Variants in ADAMTS7 observed in about 807,000 individuals in gnomAD.
The protein encoded by ADAMTS7 is A disintegrin and metalloproteinase with thrombospondin motifs 7.
In ADAMTS7, 89 loss-of-function variants were observed where a neutral mutation model predicts 172.6. The ratio of observed to expected loss-of-function variants is 0.52; its 90% confidence interval spans 0.43 to 0.61. The LOEUF is 0.61. Ranked by LOEUF, ADAMTS7 falls within the 20% of genes least tolerant of loss-of-function variation. The probability of loss-of-function intolerance (pLI) is 0.00; values close to 1 mark genes in which losing one functional copy is unlikely to be tolerated. For missense variants in ADAMTS7, 1,973 were observed against 2,355.6 expected, an observed-to-expected ratio of 0.84 and a Z score of 3.36; for synonymous variants, 885 against 978.4, an observed-to-expected ratio of 0.90 and a Z score of 1.78.
intron 7 of ADAMTS7, 128 bp downstream of exon 7, chr15:78,789,561 T>C: frequency 7.5e-7 from 1 of 1,325,288 alleles, no homozygotes; most frequent in South Asian, 1.4e-5. Context: ...ACATGGCCAG[T>C]CAGGGCTCCT....
In ADAMTS7 at chr15:78,787,363, A is replaced by C. The variant is rs1461601689; in HGVS notation, c.1322+868T>G. 7.3e-5 allele frequency among the ~76,000 whole-genome samples: 11 copies of C among 151,620 alleles called. No individual in the cohort carries two copies. The South Asian group carries it at 1.7e-3, about 23-fold the overall frequency. On this transcript the variant is annotated intron_variant, in intron 8 of 23. Transcript: ENST00000388820. ...AGCAAATTTGAAAAAAAAAAAACAA[A>C]AAAACACCAGAACAGGCCGGGCATG...
chr15:78,762,793 G>GT (rs1567200211), intron 22 of ADAMTS7, among the ~76,000 whole-genome samples: 1 of 152,048 alleles, frequency 6.6e-6, no homozygotes, highest in Admixed American at 6.5e-5. Flanking sequence ...GGGAAGGGGC[G>GT]TGAGAACCGT....
intron 11 of ADAMTS7, among the ~76,000 whole-genome samples, chr15:78,775,830 A>C (rs570969917): frequency 6.6e-6 from 1 of 152,298 alleles, no homozygotes; most frequent in East Asian, 1.9e-4. Context: ...GGCCCAGAGA[A>C]GGGGTGAAGA....
chr15:78,766,138 G>A lies in ADAMTS7; in HGVS notation c.3773C>T (p.Ala1258Val), dbSNP rs374769458. The change falls in exon 19 of 24, where the codon GCG (alanine) becomes GTG (valine). Residue 1258 changes from alanine to valine, a missense_variant. By Grantham distance (64) the Ala-to-Val change is moderately conservative (BLOSUM62 0). Around this residue, in one of 8 missense-constraint regions of ADAMTS7, gnomAD observed 771 missense variants for 952.6 expected, o/e 0.81. Coordinates refer to ENST00000388820, the MANE Select transcript of ADAMTS7 (RefSeq NM_014272.5). Reference sequence around the variant, plus strand: ...CACTGTGCCTCCTGTCCACAGCTCCGCCACGTCAGGACTAGGAGAGGAGTG... The same window carrying A: ...CACTGTGCCTCCTGTCCACAGCTCCACCACGTCAGGACTAGGAGAGGAGTG... Reference protein sequence around the residue: ...STHSSPSPDVAELWTGGTVAW... With the variant: ...STHSSPSPDVVELWTGGTVAW... 41 of 1,611,224 alleles carry A rather than the reference G, an allele frequency of 2.5e-5. No individual in the cohort carries two copies. Among genetic ancestry groups the A allele is most frequent in the South Asian group, 3.3e-5 (3 of 90,958 alleles).
Position 78,764,917 on chromosome 15 carries a change from T to C in ADAMTS7, c.4267-210A>G, listed in dbSNP as rs964000312. The stretch of plus-strand genomic sequence containing the variant: ...GTCAAATCCCCTCAGCAACCAGCCG[T>C]CCCTGCTCACATGGGACAAAGGGCC... On this transcript the variant is annotated intron_variant, in intron 19 of 23. Transcript: ENST00000388820. 2.9e-5 allele frequency: 15 copies of C among 523,670 alleles called. 2 individuals carry two copies. Among genetic ancestry groups the C allele is most frequent in the African/African-American group, 6.0e-5 (3 of 50,200 alleles). The allele number at this position is 523,670 out of a possible 1,614,324, so 32.4% of individuals were successfully genotyped here.
chr15:78,759,215 G>A lies in ADAMTS7; in HGVS notation c.*206C>T. ...CGAAGTCACGCTGTGCTTTGGAATGGTAGATGCTCATTTATGTAAAATCAT... is the reference window on the plus strand; with the variant it reads ...CGAAGTCACGCTGTGCTTTGGAATGATAGATGCTCATTTATGTAAAATCAT... On this transcript the variant is annotated 3_prime_UTR_variant, in exon 24 of 24. Coordinates refer to ENST00000388820, the MANE Select transcript of ADAMTS7 (RefSeq NM_014272.5). 1 of 481,244 alleles carries A rather than the reference G, an allele frequency of 2.1e-6. No homozygotes were observed. 29.8% of individuals were successfully genotyped at this position (481,244 alleles called of 1,614,324 possible).
At chr15:78,803,331 G>A (rs1283630518) in intron 1 of ADAMTS7, among the ~76,000 whole-genome samples, 3 of 152,158 alleles carry the variant, frequency 2.0e-5, no homozygotes, top group Non-Finnish European at 4.4e-5. Context: ...CTGCACTCCA[G>A]CCTAGGTGAT....
intron 22 of ADAMTS7, 42 bp downstream of exon 22, chr15:78,763,654 GCCA>G (rs1567201130): frequency 2.7e-6 from 4 of 1,501,246 alleles, no homozygotes; most frequent in Non-Finnish European, 3.5e-6. Flanking sequence ...CTGACCAGGC[GCCA>G]CCAAGCACTT....
chr15:78,811,101 G>C lies in ADAMTS7; in HGVS notation c.100+20C>G, dbSNP rs1255000513. ...GAAGGGGTGGCAGGCCCGGCTGGCC[G>C]GGGAGGGGCGGACACCCACCTGGTG... On this transcript the variant is annotated intron_variant, in intron 1 of 23. Transcript: ENST00000388820. The C allele has an allele frequency of 2.4e-6, 3 of 1,229,958 alleles. No homozygotes were observed. The highest frequency in any genetic ancestry group is 3.0e-6 in the Non-Finnish European group (3 of 986,782). 76.2% of individuals were successfully genotyped at this position (1,229,958 alleles called of 1,614,324 possible).
chr15:78,766,655 G>C lies in ADAMTS7; in HGVS notation c.3256C>G (p.Leu1086Val). The C allele has an allele frequency of 6.2e-7, 1 of 1,610,804 alleles. No individual in the cohort carries two copies. Among genetic ancestry groups the C allele is most frequent in the Non-Finnish European group, 8.5e-7 (1 of 1,179,714 alleles). The change falls in exon 19 of 24, where the codon CTA becomes GTA. Residue 1086 changes from leucine to valine, a missense_variant. By Grantham distance (32) the Leu-to-Val change is conservative. Coordinates refer to ENST00000388820, the MANE Select transcript of ADAMTS7 (RefSeq NM_014272.5). ...LSYGPSEEPDLDLAGTGDRTP... is the reference protein window; with the variant it reads ...LSYGPSEEPDVDLAGTGDRTP... ...CGGTCCCCTGTCCCCGCCAGGTCTA[G>C]ATCGGGCTCCTCAGAGGGCCCGTAG...
intron 1 of ADAMTS7, among the ~76,000 whole-genome samples, chr15:78,803,636 A>G (rs1361217640): frequency 2.6e-5 from 4 of 152,168 alleles, no homozygotes; most frequent in Non-Finnish European, 5.9e-5. Context: ...TATTTTTAGT[A>G]GAGACGGGGT....
chr15:78,759,789 C>T (rs1209122020), intron 23 of ADAMTS7, among the ~76,000 whole-genome samples: 3 of 152,292 alleles, frequency 2.0e-5, no homozygotes, highest in South Asian at 2.1e-4. Context: ...GACTCGAGAA[C>T]GGGTGCTGCT....
At chr15:78,770,996 G>A in intron 16 of ADAMTS7, 166 bp downstream of exon 16, 2 of 953,950 alleles carry the variant, frequency 2.1e-6, no homozygotes, top group Non-Finnish European at 3.0e-6. Flanking sequence ...AGCGGGCCTG[G>A]GACACAGGGC....
chr15:78,773,435 T>C (rs1300335525), intron 13 of ADAMTS7, among the ~76,000 whole-genome samples: 1 of 151,810 alleles, frequency 6.6e-6, no homozygotes, highest in Non-Finnish European at 1.5e-5. Context: ...CTTAAAGGCA[T>C]GTCATGAGCA....
At chr15:78,788,479 G>T in intron 7 of ADAMTS7, 105 bp from the exon 8 acceptor site, 1 of 1,396,784 alleles carries the variant, frequency 7.2e-7, no homozygotes. Context: ...CCCAGGGCTG[G>T]TTCTGCCACC....
chr15:78,766,302 C>A lies in ADAMTS7; in HGVS notation c.3609G>T (p.Gln1203His). Residue 1203 changes from glutamine to histidine, a missense_variant, in exon 19 of 24, where the codon CAG becomes CAT. This residue lies in a region of ADAMTS7 where 771 missense variants were observed against 952.6 expected (regional missense o/e 0.81). Transcript: ENST00000388820. ...QNDFPVGKDS[Q>H]SQLPPPWRDR... ...CCCGCCATGGAGGGGGCAGCTGGCT[C>A]TGGCTGTCCTTGCCAACTGGGAAAT... The A allele has an allele frequency of 6.8e-6, 11 of 1,611,458 alleles. No individual in the cohort carries two copies. Among genetic ancestry groups the A allele is most frequent in the Non-Finnish European group, 8.5e-6 (10 of 1,180,004 alleles).
rs376780860 is a variant in ADAMTS7, at chr15:78,790,812, G to A, written c.904-18C>T. On this transcript the variant is annotated intron_variant, in intron 5 of 23. Coordinates refer to ENST00000388820, the MANE Select transcript of ADAMTS7 (RefSeq NM_014272.5). ...AGGTCCTCCTGGGGGCAGAGAGAGT[G>A]ACTGCTCATGCCTCCCCTGAGTTCC... 76 of 1,612,584 alleles carry A rather than the reference G, an allele frequency of 4.7e-5. No individual in the cohort carries two copies. The African/African-American group carries it at 9.1e-4, about 19-fold the overall frequency.
chr15:78,769,134 C>T (rs1439467670), intron 16 of ADAMTS7, among the ~76,000 whole-genome samples: 1 of 152,190 alleles, frequency 6.6e-6, no homozygotes, highest in Non-Finnish European at 1.5e-5. Context: ...AAGGGGCAGC[C>T]CCTGCTCTCC....
intron 16 of ADAMTS7, among the ~76,000 whole-genome samples, chr15:78,770,042 A>C (rs1596177984): frequency 6.6e-6 from 1 of 152,072 alleles, no homozygotes; most frequent in Admixed American, 6.6e-5. Context: ...CGTGCCTGTA[A>C]ATCCCAGCTA....
Sources: allele counts gnomAD v4.1 joint callset (sites outside exome capture counted in the v4.1 genomes callset), GRCh38; gene constraint gnomAD v4.1.1; regional missense constraint gnomAD v4.1.1; transcripts MANE v1.5; gene names NCBI Gene and HGNC (gene_info 2026-07-23, HGNC 2026-07-21).